VPS13B: variants seen among roughly 807,000 people sequenced by gnomAD.
VPS13B encodes the protein intermembrane lipid transfer protein VPS13B.
Under a neutral mutation model 426.4 loss-of-function variants are expected in VPS13B, and 285 were observed. The ratio of observed to expected loss-of-function variants is 0.67; its 90% CI spans 0.61 to 0.74. The LOEUF (loss-of-function observed/expected upper bound fraction) is 0.74, where lower values mean the gene tolerates loss of function less well. Among genes scored for constraint, VPS13B ranks in the 30% least tolerant of loss-of-function variants. VPS13B has a pLI of 0.00. For missense variants in VPS13B, 4,537 were observed against 4,782.6 expected, an observed-to-expected ratio of 0.95 and a Z score of 1.51; for synonymous variants, 1,676 against 1,676.4, an observed-to-expected ratio of 1.00 and a Z score of 0.01.
chr8:99,872,828 C>T (rs188291093), intron 61 of VPS13B, among the ~76,000 whole-genome samples: 1 of 152,256 alleles, frequency 6.6e-6, no homozygotes, highest in Non-Finnish European at 1.5e-5. Flanking sequence ...ATCTCCTTCA[C>T]GCCACTGTTT....
chr8:99,137,322 G>A (rs575392958), intron 12 of VPS13B, among the ~76,000 whole-genome samples: 10 of 151,528 alleles, frequency 6.6e-5, no homozygotes, highest in South Asian at 2.1e-4. Flanking sequence ...AAAAGTTAGC[G>A]AAAATAGGTT....
At chr8:99,257,678 A>T (rs902853373) in intron 17 of VPS13B, among the ~76,000 whole-genome samples, 1 of 152,164 alleles carries the variant, frequency 6.6e-6, no homozygotes, top group African/African-American at 2.4e-5. Flanking sequence ...AAATATTTTT[A>T]AAAATCTTTA....
intron 22 of VPS13B, among the ~76,000 whole-genome samples, chr8:99,436,948 C>T (rs1469633849): frequency 6.6e-6 from 1 of 152,060 alleles, no homozygotes; most frequent in East Asian, 1.9e-4. Flanking sequence ...ACCGTGTTAG[C>T]CAGGGTGGTC....
chr8:99,115,937 G>A, intron 7 of VPS13B, 63 bp downstream of exon 7: 1 of 1,539,380 alleles, frequency 6.5e-7, no homozygotes, highest in Non-Finnish European at 8.9e-7. Context: ...TTTACCATTG[G>A]GAAACTTTAA....
chr8:99,690,351 T>G (rs1332017019), intron 35 of VPS13B, among the ~76,000 whole-genome samples: 1 of 152,202 alleles, frequency 6.6e-6, no homozygotes, highest in African/African-American at 2.4e-5. Flanking sequence ...TGTAAAACTC[T>G]TAAAAGAAGA....
At position 99,217,738 on chromosome 8, in the gene VPS13B, G is replaced by C. The variant is rs989834142; in HGVS notation, c.2515+24681G>C. ...ATCCTTCCAGGATAAAAATAGAGCT[G>C]TCACTAGAACAAAAAAAGTATGGAA... On this transcript the variant is annotated intron_variant, in intron 17 of 61. Transcript: ENST00000357162. Among the ~76,000 whole-genome samples, 3 of 152,248 alleles carry C rather than the reference G, an allele frequency of 2.0e-5. No individual in the cohort carries two copies. The South Asian group carries it at 6.2e-4, about 32-fold the overall frequency.
intron 35 of VPS13B, among the ~76,000 whole-genome samples, chr8:99,665,890 A>G (rs973788335): frequency 6.6e-6 from 1 of 152,114 alleles, no homozygotes; most frequent in Admixed American, 6.5e-5. Context: ...ATGGCATTAA[A>G]TCTATAAATT....
chr8:99,842,904 G>A (rs1815783529), intron 54 of VPS13B, among the ~76,000 whole-genome samples: 1 of 152,118 alleles, frequency 6.6e-6, no homozygotes, highest in Non-Finnish European at 1.5e-5. Context: ...TGTAATCCCA[G>A]CACTTTGGGA....
chr8:99,470,368 G>A (rs1232834234), intron 24 of VPS13B, among the ~76,000 whole-genome samples: 1 of 151,946 alleles, frequency 6.6e-6, no homozygotes, highest in Non-Finnish European at 1.5e-5. Flanking sequence ...TGACTTTAAG[G>A]CAGCTTTTAG....
intron 19 of VPS13B, among the ~76,000 whole-genome samples, chr8:99,305,114 C>A (rs138724881): frequency 1.2e-3 from 179 of 152,170 alleles, no homozygotes; most frequent in African/African-American, 4.2e-3. Context: ...TCAATCATTA[C>A]CTCATTGAAA....
intron 23 of VPS13B, among the ~76,000 whole-genome samples, chr8:99,462,550 T>C (rs1226055152): frequency 6.6e-6 from 1 of 152,178 alleles, no homozygotes; most frequent in African/African-American, 2.4e-5. Flanking sequence ...GCTATCATCT[T>C]TCACTGATAG....
chr8:99,784,014 T>C (rs562437835), intron 42 of VPS13B, among the ~76,000 whole-genome samples: 108 of 152,338 alleles, frequency 7.1e-4, no homozygotes, highest in African/African-American at 2.5e-3. Context: ...TGTAGCATGT[T>C]AATTCACTTT....
chr8:99,173,916 T>C (rs2132673468), intron 16 of VPS13B, among the ~76,000 whole-genome samples: 1 of 152,336 alleles, frequency 6.6e-6, no homozygotes, highest in East Asian at 1.9e-4. Context: ...TTAAAACAAT[T>C]GCTATTACTA....
chr8:99,300,819 T>TA (rs1820317873), intron 19 of VPS13B, among the ~76,000 whole-genome samples: 1 of 151,928 alleles, frequency 6.6e-6, no homozygotes, highest in Non-Finnish European at 1.5e-5. Flanking sequence ...GAAATAGGAA[T>TA]ATTAATAAGT....
Position 99,819,585 on chromosome 8 carries a change from A to G in VPS13B, c.8792+3A>G. On this transcript the variant is annotated splice_donor_region_variant and intron_variant, in intron 48 of 61. Coordinates refer to ENST00000357162, the MANE Select transcript of VPS13B (RefSeq NM_152564.5). ...TATAATAAGAAGGATTCTGACAGGT[A>G]ATATTCTTCAGTGATCTTTTTCTAC... is the stretch of plus-strand genomic sequence containing the variant. The G allele has an allele frequency of 6.2e-7, 1 of 1,613,224 alleles. No individual in the cohort carries two copies. Among genetic ancestry groups the G allele is most frequent in the Non-Finnish European group, 8.5e-7 (1 of 1,179,650 alleles).
At chr8:99,875,215 T>G in intron 61 of VPS13B, 1 of 719,268 alleles carries the variant, frequency 1.4e-6, no homozygotes, top group South Asian at 1.7e-5. Context: ...CTAAGTCTCA[T>G]GCACAACTTT....
At chr8:99,328,445 G>C (rs1450017429) in intron 19 of VPS13B, among the ~76,000 whole-genome samples, 1 of 152,170 alleles carries the variant, frequency 6.6e-6, no homozygotes, top group African/African-American at 2.4e-5. Flanking sequence ...AGGAAGTTGA[G>C]CTGGGAAAAC....
At chr8:99,821,168 C>CACACACA in intron 49 of VPS13B, 126 bp from the exon 50 acceptor site, 5 of 416,236 alleles carry the variant, frequency 1.2e-5, no homozygotes, top group East Asian at 6.8e-5. Flanking sequence ...ACACACACAC[C>CACACACA]ATGGAGGGAT....
chr8:99,132,911 T>C (rs1809878973), intron 8 of VPS13B, among the ~76,000 whole-genome samples: 4 of 152,154 alleles, frequency 2.6e-5, no homozygotes, highest in African/African-American at 4.8e-5. Context: ...TTTCCATTCA[T>C]AGAGCACAAG....
Sources: allele counts gnomAD v4.1 joint callset (sites outside exome capture counted in the v4.1 genomes callset), GRCh38; gene constraint gnomAD v4.1.1; transcripts MANE v1.5; gene names NCBI Gene and HGNC (gene_info 2026-07-23, HGNC 2026-07-21).